MYRIP: variants seen among roughly 807,000 people sequenced by gnomAD.
The protein encoded by MYRIP is myosin VIIA and Rab interacting protein, also known as rab effector MyRIP.
MYRIP carries 49 observed loss-of-function variants against 98.0 expected under a neutral mutation model. The observed-to-expected ratio is 0.50, with a 90% CI of 0.40 to 0.63. The LOEUF is 0.63. Among genes scored for constraint, MYRIP ranks in the 30% least tolerant of loss-of-function variants. The probability of loss-of-function intolerance (pLI) is 0.00; values close to 1 mark genes in which losing one functional copy is unlikely to be tolerated. For missense variants in MYRIP, 1,004 were observed against 1,058.2 expected (o/e 0.95, Z 0.71); for synonymous variants, 404 against 409.5 (o/e 0.99, Z 0.16).
intron 1 of MYRIP, among the ~76,000 whole-genome samples, chr3:39,871,094 C>T (rs529663411): frequency 1.3e-5 from 2 of 152,324 alleles, no homozygotes; most frequent in African/African-American, 4.8e-5. Context: ...CCTTTCATTT[C>T]TCTGTAGCTG....
chr3:40,255,711 T>C (rs751951724), intron 16 of MYRIP, among the ~76,000 whole-genome samples: 9 of 152,172 alleles, frequency 5.9e-5, no homozygotes, highest in Non-Finnish European at 1.0e-4. Context: ...GCAACACAAT[T>C]TATGGTGCAA....
intron 3 of MYRIP, among the ~76,000 whole-genome samples, chr3:40,111,018 C>G (rs980272052): frequency 3.3e-5 from 5 of 151,854 alleles, no homozygotes; most frequent in Non-Finnish European, 5.9e-5. Flanking sequence ...AAAGAGAATA[C>G]CCAGGGTGTT....
chr3:39,972,757 C>T (rs2125746800), intron 2 of MYRIP, among the ~76,000 whole-genome samples: 1 of 150,618 alleles, frequency 6.6e-6, no homozygotes, highest in Non-Finnish European at 1.5e-5. Flanking sequence ...TTTTTTTCCC[C>T]CTTTCAATTT....
At chr3:40,217,838 G>A (rs1205812346) in intron 11 of MYRIP, among the ~76,000 whole-genome samples, 4 of 152,046 alleles carry the variant, frequency 2.6e-5, no homozygotes, top group Admixed American at 2.6e-4. Flanking sequence ...TTCAACATTG[G>A]TCTGGCATTC....
At chr3:40,080,682 C>A (rs1448662707) in intron 3 of MYRIP, among the ~76,000 whole-genome samples, 1 of 151,452 alleles carries the variant, frequency 6.6e-6, no homozygotes, top group Non-Finnish European at 1.5e-5. Context: ...AGTATTTATA[C>A]CTTCTTTTTT....
intron 3 of MYRIP, among the ~76,000 whole-genome samples, chr3:40,057,332 T>C (rs1368815949): frequency 6.6e-6 from 1 of 152,204 alleles, no homozygotes; most frequent in Non-Finnish European, 1.5e-5. Context: ...GGCTTGTTAC[T>C]GGGATTGCAT....
chr3:39,889,638 C>G (rs1299080980), intron 1 of MYRIP, among the ~76,000 whole-genome samples: 2 of 152,074 alleles, frequency 1.3e-5, no homozygotes, highest in Non-Finnish European at 2.9e-5. Flanking sequence ...ATGTAACTAA[C>G]CTGCGCATTG....
intron 2 of MYRIP, among the ~76,000 whole-genome samples, chr3:39,922,739 G>A (rs954159645): frequency 6.6e-6 from 1 of 152,030 alleles, no homozygotes; most frequent in African/African-American, 2.4e-5. Flanking sequence ...CTAAAACAGA[G>A]GTTTAAATAA....
intron 3 of MYRIP, among the ~76,000 whole-genome samples, chr3:40,073,030 C>A (rs1395024723): frequency 6.6e-6 from 1 of 152,052 alleles, no homozygotes; most frequent in African/African-American, 2.4e-5. Context: ...GGGCTGGGAC[C>A]TGCTTTCTCA....
intron 2 of MYRIP, among the ~76,000 whole-genome samples, chr3:40,015,213 G>A (rs1470508530): frequency 6.6e-6 from 1 of 152,134 alleles, no homozygotes; most frequent in African/African-American, 2.4e-5. Flanking sequence ...GTTCTAATTG[G>A]CTTATGTGAT....
intron 3 of MYRIP, among the ~76,000 whole-genome samples, chr3:40,073,300 C>G (rs547003074): frequency 4.2e-4 from 64 of 152,236 alleles, no homozygotes; most frequent in Non-Finnish European, 8.1e-4. Context: ...TAAGAGTACA[C>G]TCCAAGAGAA....
chr3:39,841,478 TC>T (rs1315798102), intron 1 of MYRIP, among the ~76,000 whole-genome samples: 5 of 152,144 alleles, frequency 3.3e-5, no homozygotes, highest in Non-Finnish European at 5.9e-5. Flanking sequence ...TCATTCTCCA[TC>T]CAGTTTTGTT....
At chr3:40,244,717 C>T (rs1559474025) in intron 13 of MYRIP, 110 bp downstream of exon 13, 2 of 1,230,362 alleles carry the variant, frequency 1.6e-6, no homozygotes, top group Non-Finnish European at 2.2e-6. Context: ...CCATCATCTC[C>T]AGCATGTTTG....
intron 3 of MYRIP, among the ~76,000 whole-genome samples, chr3:40,122,427 C>A (rs1949423809): frequency 1.3e-5 from 2 of 151,072 alleles, no homozygotes; most frequent in South Asian, 4.2e-4. Flanking sequence ...TTTATTTTTA[C>A]CCAATTATTC....
At chr3:40,043,986 G>C (rs1357413916) in intron 2 of MYRIP, 64 bp from the exon 3 acceptor site, 1 of 1,493,484 alleles carries the variant, frequency 6.7e-7, no homozygotes, top group African/African-American at 1.4e-5. Flanking sequence ...GCTTTGGGGA[G>C]ACACCCCCTG....
At chr3:39,993,526 T>A (rs185129142) in intron 2 of MYRIP, among the ~76,000 whole-genome samples, 30 of 152,256 alleles carry the variant, frequency 2.0e-4, no homozygotes, top group Admixed American at 1.5e-3. Flanking sequence ...GTTGGGTGAT[T>A]CTACTTTAAA....
intron 1 of MYRIP, among the ~76,000 whole-genome samples, chr3:39,899,691 A>G (rs768259347): frequency 3.3e-5 from 5 of 152,220 alleles, no homozygotes; most frequent in African/African-American, 4.8e-5. Context: ...ATACCCCCAA[A>G]TGAAAACTGT....
intron 1 of MYRIP, among the ~76,000 whole-genome samples, chr3:39,814,731 T>A (rs1940839596): frequency 6.6e-6 from 1 of 152,230 alleles, no homozygotes; most frequent in Non-Finnish European, 1.5e-5. Flanking sequence ...CCCTTTTTCC[T>A]TAAAACTGTC....
intron 1 of MYRIP, among the ~76,000 whole-genome samples, chr3:39,824,343 G>A (rs1941203477): frequency 6.6e-6 from 1 of 152,050 alleles, no homozygotes; most frequent in South Asian, 2.1e-4. Context: ...GGGGTCTTTT[G>A]TGGTTCCATA....
Sources: gnomAD v4.1 joint callset for allele counts (sites outside exome capture counted in the v4.1 genomes callset) on GRCh38, gnomAD v4.1.1 for gene constraint, MANE v1.5 for transcripts, NCBI Gene and HGNC (gene_info 2026-07-23, HGNC 2026-07-21) for gene names.